Variants in FRYL observed in about 807,000 individuals in gnomAD.
FRYL encodes the protein FRY like transcription coactivator, also known as protein furry homolog-like.
Under a neutral mutation model 351.2 loss-of-function variants are expected in FRYL, and 150 were observed. The observed-to-expected ratio is 0.43, with a 90% CI of 0.37 to 0.49. FRYL has a LOEUF of 0.49. FRYL is among the 20% of genes least tolerant of loss of function. The pLI is 0.00. For synonymous variants in FRYL, 1,153 were observed against 1,257.1 expected, an observed-to-expected ratio of 0.92 and a Z score of 1.75; for missense variants, 3,036 against 3,619.3, an observed-to-expected ratio of 0.84 and a Z score of 4.13.
At position 48,563,933 on chromosome 4, in the gene FRYL, C is replaced by T. The variant is rs1297521616; in HGVS notation, c.3596+15G>A. On this transcript the variant is annotated intron_variant, in intron 31 of 63. Transcript: ENST00000358350. ...AACAGAACAAAATGAAACAAAAAACCTGTATCTAAAGTACCTGTTCTGGAA... is the reference window on the plus strand; with the variant it reads ...AACAGAACAAAATGAAACAAAAAACTTGTATCTAAAGTACCTGTTCTGGAA... 6.3e-6 allele frequency: 10 copies of T among 1,594,556 alleles called. No homozygotes were observed. The highest frequency in any genetic ancestry group is 8.5e-6 in the Non-Finnish European group (10 of 1,175,000).
chr4:48,581,516 A>G lies in FRYL; in HGVS notation c.2076T>C (p.Leu692=), dbSNP rs1740896438. ...NVFHVVEGFA[L]VILCSSRPAT... is the part of the protein sequence containing the mutation. ...CAGGTCGACTGCTACAGAGAATGAC[A>G]AGCGCAAAGCCTTCAACCACATGGA... Residue 692 remains leucine, a synonymous_variant, in exon 21 of 64, where the codon CTT becomes CTC. Transcript: ENST00000358350. 2 of 1,614,070 alleles carry G rather than the reference A, an allele frequency of 1.2e-6. No homozygotes were observed. Among genetic ancestry groups the G allele is most frequent in the Middle Eastern group, 1.7e-4 (1 of 6,060 alleles).
intron 47 of FRYL, 146 bp downstream of exon 47, chr4:48,539,825 T>C: frequency 1.7e-6 from 1 of 589,110 alleles, no homozygotes; most frequent in Non-Finnish European, 2.9e-6. Flanking sequence ...ATGCAAGTCC[T>C]TTATGTGCAT....
intron 1 of FRYL, among the ~76,000 whole-genome samples, chr4:48,730,547 C>T (rs751291747): frequency 6.6e-6 from 1 of 152,148 alleles, no homozygotes; most frequent in African/African-American, 2.4e-5. Flanking sequence ...CTGCGGAAAC[C>T]CTACAAGCCA....
intron 3 of FRYL, among the ~76,000 whole-genome samples, chr4:48,659,081 T>A (rs1578578189): frequency 6.6e-6 from 1 of 152,118 alleles, no homozygotes; most frequent in Non-Finnish European, 1.5e-5. Flanking sequence ...CCAGGTGCAG[T>A]GGCTCACGCC....
In FRYL at chr4:48,570,713, A is replaced by C. The variant is rs183153646; in HGVS notation, c.2996+114T>G. The C allele has an allele frequency of 1.0e-4, 73 of 699,262 alleles. No individual in the cohort carries two copies. The African/African-American group carries it at 1.2e-3, about 11-fold the overall frequency. The allele number at this position is 699,262 out of a possible 1,614,324, so 43.3% of individuals were successfully genotyped here. ...TTAAATAATTTTCACAGTGATACAT[A>C]CAGGTTTTCTTGTTGCAATGGTGCT... On this transcript the variant is annotated intron_variant, in intron 27 of 63. Transcript: ENST00000358350.
chr4:48,502,665 G>T (rs1215449598), intron 61 of FRYL, among the ~76,000 whole-genome samples, 163 bp downstream of exon 61: 2 of 151,978 alleles, frequency 1.3e-5, no homozygotes, highest in East Asian at 1.9e-4. Flanking sequence ...TATTTTAAAA[G>T]AACCAACATT....
intron 1 of FRYL, among the ~76,000 whole-genome samples, chr4:48,747,169 C>CCA (rs1553880421): frequency 2.1e-4 from 32 of 150,808 alleles, no homozygotes; most frequent in Non-Finnish European, 1.0e-4. Context: ...CTATCCCCCC[C>CCA]CAAAAAAAGA....
At position 48,651,221 on chromosome 4, in the gene FRYL, TG is replaced by T. The variant is rs1327870519; in HGVS notation, c.-80-16732del. ...GCTGGGACCACATGCACCGTGTGTG[TG>T]TGTGTGTGTGTGTGTGTGTGTGTGT... On this transcript the variant is annotated intron_variant, in intron 3 of 63. Coordinates refer to ENST00000358350, the MANE Select transcript of FRYL (RefSeq NM_015030.2). Among the ~76,000 whole-genome samples, 10 of 32,404 alleles carry T rather than the reference TG, an allele frequency of 3.1e-4. No individual in the cohort carries two copies. The East Asian group carries it at 6.4e-3, about 21-fold the overall frequency. The allele number at this position is 32,404 out of a possible 152,430, so 21.3% of individuals were successfully genotyped here. A position where few individuals can be genotyped will look rare whatever the true frequency, so the allele number is the denominator to read the frequency against.
intron 2 of FRYL, among the ~76,000 whole-genome samples, chr4:48,697,426 G>C (rs1275267968): frequency 1.3e-5 from 2 of 152,118 alleles, no homozygotes; most frequent in African/African-American, 2.4e-5. Flanking sequence ...TCCAGCTCTA[G>C]TTTACATTTC....
At chr4:48,773,665 C>A (rs1775737418) in intron 1 of FRYL, among the ~76,000 whole-genome samples, 1 of 152,184 alleles carries the variant, frequency 6.6e-6, no homozygotes, top group South Asian at 2.1e-4. Flanking sequence ...GTGGCTCACA[C>A]CTGTAATCCC....
intron 3 of FRYL, among the ~76,000 whole-genome samples, chr4:48,673,256 C>CAA (rs1763006990): frequency 6.6e-6 from 1 of 152,206 alleles, no homozygotes; most frequent in South Asian, 2.1e-4. Context: ...AAGACAGTTT[C>CAA]AAAGACTAAT....
chr4:48,564,319 C>T (rs1388358552), intron 30 of FRYL, among the ~76,000 whole-genome samples: 1 of 152,208 alleles, frequency 6.6e-6, no homozygotes, highest in Admixed American at 6.5e-5. Context: ...GCGAGCCTCT[C>T]TAGTATGATT....
Position 48,584,361 on chromosome 4 carries a change from C to T in FRYL, c.1749-1627G>A, listed in dbSNP as rs1578224501. On this transcript the variant is annotated intron_variant, in intron 19 of 63. Transcript: ENST00000358350. ...GAGAAAGGAGATATAAGTATTCACC[C>T]TGCTGAACTCAGTTCTAGTCATCAC... is the stretch of plus-strand genomic sequence containing the variant. 3.3e-5 allele frequency among the ~76,000 whole-genome samples: 5 copies of T among 152,170 alleles called. No individual in the cohort carries two copies. In the South Asian group the frequency reaches 1.0e-3, roughly 32 times the overall value.
intron 3 of FRYL, among the ~76,000 whole-genome samples, chr4:48,645,451 T>C (rs1172652161): frequency 1.3e-5 from 2 of 152,146 alleles, no homozygotes; most frequent in Non-Finnish European, 2.9e-5. Context: ...ACTTGGCATA[T>C]TTCTCACTGT....
intron 60 of FRYL, 119 bp from the exon 61 acceptor site, chr4:48,502,964 T>C (rs73814777): frequency 1.5e-6 from 1 of 679,938 alleles, no homozygotes; most frequent in Non-Finnish European, 2.5e-6. Context: ...AGAACATATA[T>C]TTATACCCCA....
Position 48,549,394 on chromosome 4 carries a change from T to C in FRYL, c.4784+79A>G. The C allele has an allele frequency of 7.7e-7, 1 of 1,302,804 alleles. No homozygotes were observed. Among genetic ancestry groups the C allele is most frequent in the Non-Finnish European group, 1.1e-6 (1 of 949,008 alleles). 80.7% of individuals were successfully genotyped at this position (1,302,804 alleles called of 1,614,324 possible). A position where few individuals can be genotyped will look rare whatever the true frequency, so the allele number is the denominator to read the frequency against. On this transcript the variant is annotated intron_variant, in intron 39 of 63. Transcript: ENST00000358350. The surrounding 1 kb of genome is among the most constrained non-coding windows in gnomAD (Gnocchi z 4.2). ...AAAGAAGATTGCTTTCATTCTGTGT[T>C]GTCAGATAGCACAAAGAAAGCCGAC...
At position 48,620,557 on chromosome 4, in the gene FRYL, TAAC is replaced by T; in HGVS notation, c.314+79_314+81del. On this transcript the variant is annotated intron_variant, in intron 6 of 63. Transcript: ENST00000358350. The stretch of plus-strand genomic sequence containing the variant: ...CGCAGTTTGCTTAGGAATCAAACAA[TAAC>T]AACCTTCAGTTGATAATATCACCCC... 6 of 1,409,446 alleles carry T rather than the reference TAAC, an allele frequency of 4.3e-6. No individual in the cohort carries two copies. The South Asian group carries it at 8.1e-5, about 19-fold the overall frequency. The allele number at this position is 1,409,446 out of a possible 1,614,324, so 87.3% of individuals were successfully genotyped here. A position where few individuals can be genotyped will look rare whatever the true frequency, so the allele number is the denominator to read the frequency against.
chr4:48,696,845 G>GATCT (rs71660456), intron 2 of FRYL, among the ~76,000 whole-genome samples: 11,627 of 144,540 alleles, frequency 0.08, 486 homozygotes, highest in East Asian at 0.12. Flanking sequence ...AACGATAAGA[G>GATCT]ATCTATCTAT....
At chr4:48,654,640 T>G (rs1388765653) in intron 3 of FRYL, among the ~76,000 whole-genome samples, 1 of 152,220 alleles carries the variant, frequency 6.6e-6, no homozygotes, top group African/African-American at 2.4e-5. Flanking sequence ...ATGGGATTAG[T>G]TGAAAATACA....
Sources: allele counts gnomAD v4.1 joint callset (sites outside exome capture counted in the v4.1 genomes callset), GRCh38; gene constraint gnomAD v4.1.1; non-coding constraint Gnocchi (gnomAD v3.1); transcripts MANE v1.5; gene names NCBI Gene and HGNC (gene_info 2026-07-23, HGNC 2026-07-21).